The following WDR70 variants were observed in gnomAD, a reference collection of about 807,000 sequenced individuals.
WDR70 encodes WD repeat-containing protein 70.
A neutral mutation model predicts 88.6 loss-of-function variants in WDR70; 53 were observed. The observed-to-expected ratio is 0.60, with a 90% confidence interval of 0.48 to 0.75. WDR70 has a LOEUF of 0.75. Ranked by LOEUF, WDR70 falls within the 30% of genes least tolerant of loss-of-function variation. WDR70 has a pLI of 0.00. For missense variants in WDR70, 610 were observed against 823.2 expected (o/e 0.74, Z 3.17); for synonymous variants, 280 against 270.0 (o/e 1.04, Z -0.36).
chr5:37,649,886 C>T (rs1470236339), intron 10 of WDR70, among the ~76,000 whole-genome samples: 4 of 143,240 alleles, frequency 2.8e-5, no homozygotes, highest in Non-Finnish European at 4.6e-5. Context: ...TACAGGCGCC[C>T]GCCACCACGC....
intron 10 of WDR70, among the ~76,000 whole-genome samples, chr5:37,612,463 C>T (rs1164964651): frequency 6.6e-6 from 1 of 151,950 alleles, no homozygotes; most frequent in East Asian, 1.9e-4. Flanking sequence ...AGGGCATGAT[C>T]CCCCCATGTC....
chr5:37,621,561 T>C lies in WDR70; in HGVS notation c.1092+16323T>C, dbSNP rs1309937674. ...GTGTCTGTTCATATGCTTTGCCCAC[T>C]TTTTGTTGGGGTTGTTTGTTTTTTT... On this transcript the variant is annotated intron_variant, in intron 10 of 17. Coordinates refer to ENST00000265107, the MANE Select transcript of WDR70 (RefSeq NM_018034.4). 2.6e-5 allele frequency among the ~76,000 whole-genome samples: 4 copies of C among 152,178 alleles called. No homozygotes were observed. In the East Asian group the frequency reaches 7.7e-4, roughly 29 times the overall value.
At chr5:37,449,351 G>A (rs1738591746) in intron 7 of WDR70, among the ~76,000 whole-genome samples, 1 of 152,068 alleles carries the variant, frequency 6.6e-6, no homozygotes, top group African/African-American at 2.4e-5. Context: ...CAGCACTTTG[G>A]GAGGCTGAGG....
In WDR70 at chr5:37,595,258, C is replaced by T. The variant is rs74647996; in HGVS notation, c.918-9806C>T. On this transcript the variant is annotated intron_variant, in intron 9 of 17. Coordinates refer to ENST00000265107, the MANE Select transcript of WDR70 (RefSeq NM_018034.4). ...AACTAATAAGTGAGTTTAGCAAGGT[C>T]ACAGGATACAAAGTCAGTAATTATG... is the stretch of plus-strand genomic sequence containing the variant. 6.5e-3 allele frequency among the ~76,000 whole-genome samples: 986 copies of T among 152,216 alleles called. 6 individuals carry two copies. Among genetic ancestry groups the T allele is most frequent in the Non-Finnish European group, 8.7e-3 (592 of 68,010 alleles).
chr5:37,423,562 G>GTTTTTTTTTTT (rs1750018083), intron 5 of WDR70, among the ~76,000 whole-genome samples: 1 of 126,490 alleles, frequency 7.9e-6, no homozygotes. Context: ...GTTTTTTTTT[G>GTTTTTTTTTTT]TCTTTTTTTT....
chr5:37,568,782 C>T (rs574945072), intron 9 of WDR70, among the ~76,000 whole-genome samples: 3 of 152,234 alleles, frequency 2.0e-5, no homozygotes, highest in East Asian at 1.9e-4. Context: ...TATCTGTGCC[C>T]CTTGCAATAT....
chr5:37,746,448 A>G (rs1748640791), intron 17 of WDR70, among the ~76,000 whole-genome samples: 2 of 152,116 alleles, frequency 1.3e-5, no homozygotes, highest in African/African-American at 4.8e-5. Flanking sequence ...AGATAGAGAC[A>G]TGAAAAACCC....
chr5:37,396,725 G>A (rs936191448), intron 5 of WDR70, among the ~76,000 whole-genome samples, 155 bp downstream of exon 5: 1 of 152,146 alleles, frequency 6.6e-6, no homozygotes, highest in Non-Finnish European at 1.5e-5. Context: ...CAGTTACTTG[G>A]AAGGCTGAGG....
rs28757876 is a variant in WDR70, at chr5:37,563,706, C to A, written c.918-41358C>A. On this transcript the variant is annotated intron_variant, in intron 9 of 17. Transcript: ENST00000265107. ...ACGGGGCGGCTGGCCGGGCGGGGGG[C>A]TGACCCCCACCTCCCTCCCAGACGG... Among the ~76,000 whole-genome samples the A allele has an allele frequency of 4.0e-3, 297 of 73,902 alleles. 1 individual carries two copies. The highest frequency in any genetic ancestry group is 7.3e-3 in the African/African-American group (119 of 16,228). 48.5% of individuals were successfully genotyped at this position (73,902 alleles called of 152,430 possible).
chr5:37,748,313 T>C (rs1581546998), intron 17 of WDR70, among the ~76,000 whole-genome samples: 1 of 151,964 alleles, frequency 6.6e-6, no homozygotes, highest in Non-Finnish European at 1.5e-5. Flanking sequence ...AACCTACACA[T>C]CTACAACCAT....
At chr5:37,664,869 A>G (rs181881591) in intron 10 of WDR70, among the ~76,000 whole-genome samples, 3 of 152,378 alleles carry the variant, frequency 2.0e-5, no homozygotes, top group East Asian at 3.9e-4. Flanking sequence ...TTAAATTTAG[A>G]TAATAAGTTT....
At chr5:37,722,723 C>T (rs1053557561) in intron 14 of WDR70, 132 bp from the exon 15 acceptor site, 50 of 770,254 alleles carry the variant, frequency 6.5e-5, no homozygotes, top group Non-Finnish European at 9.8e-5. Flanking sequence ...TGCCATCCCT[C>T]AGAAAGTCAA....
Position 37,752,692 on chromosome 5 carries a change from T to A in WDR70, c.*119T>A, listed in dbSNP as rs1748850494. ...TATGAACAGGTTTTGTCCTTTGCAT[T>A]ATTGAACTGGTCAAAAGTTTGGTGG... On this transcript the variant is annotated 3_prime_UTR_variant, in exon 18 of 18. Coordinates refer to ENST00000265107, the MANE Select transcript of WDR70 (RefSeq NM_018034.4). 2 of 762,748 alleles carry A rather than the reference T, an allele frequency of 2.6e-6. No homozygotes were observed. Among genetic ancestry groups the A allele is most frequent in the Admixed American group, 3.2e-5 (1 of 31,106 alleles). The allele number at this position is 762,748 out of a possible 1,614,324, so 47.2% of individuals were successfully genotyped here.
chr5:37,437,424 A>G (rs775832192), intron 5 of WDR70, among the ~76,000 whole-genome samples: 12 of 152,132 alleles, frequency 7.9e-5, no homozygotes, highest in Admixed American at 1.3e-4. Context: ...CTTGTTGGTT[A>G]TTTTTTAGGA....
intron 8 of WDR70, among the ~76,000 whole-genome samples, chr5:37,514,224 G>C (rs1378436897): frequency 6.7e-6 from 1 of 149,980 alleles, no homozygotes; most frequent in Non-Finnish European, 1.5e-5. Context: ...TCACTCTGTT[G>C]CCCAGGCTGA....
intron 9 of WDR70, among the ~76,000 whole-genome samples, chr5:37,522,432 C>T: frequency 7.2e-6 from 1 of 138,614 alleles, no homozygotes. Context: ...GATCGCGCCA[C>T]TGCATTCCAG....
intron 12 of WDR70, among the ~76,000 whole-genome samples, chr5:37,701,468 C>G (rs545098270): frequency 3.9e-5 from 6 of 151,982 alleles, no homozygotes; most frequent in Non-Finnish European, 8.8e-5. Flanking sequence ...CAAGGTAGGC[C>G]TTTTAAAATT....
rs1472645396 is a variant in WDR70 at position 37,563,158 on chromosome 5, G to A, written c.918-41906G>A. Among the ~76,000 whole-genome samples the A allele has an allele frequency of 2.2e-4, 15 of 67,970 alleles. 4 individuals carry two copies. The highest frequency in any genetic ancestry group is 5.4e-4 in the African/African-American group (13 of 23,928). 44.6% of individuals were successfully genotyped at this position (67,970 alleles called of 152,430 possible). On this transcript the variant is annotated intron_variant, in intron 9 of 17. Transcript: ENST00000265107. ...TCCCGGCCTCCCTCCCGGATGGGGGGGCTGGCTGGGCGGGGGGCTGACCCC... is the reference window on the plus strand; with the variant it reads ...TCCCGGCCTCCCTCCCGGATGGGGGAGCTGGCTGGGCGGGGGGCTGACCCC...
intron 10 of WDR70, among the ~76,000 whole-genome samples, chr5:37,660,891 G>A (rs1878598): frequency 0.97 from 147,483 of 152,104 alleles, 71,679 homozygotes; most frequent in East Asian, 1. Flanking sequence ...AACAATAAAA[G>A]AAGGCCAACA....
Sources: allele counts gnomAD v4.1 joint callset (sites outside exome capture counted in the v4.1 genomes callset), GRCh38; gene constraint gnomAD v4.1.1; transcripts MANE v1.5; gene names NCBI Gene and HGNC (gene_info 2026-07-23, HGNC 2026-07-21).